Variants in CAST observed in about 807,000 individuals in gnomAD.
CAST encodes the protein MIR583 host.
A neutral mutation model predicts 119.6 loss-of-function variants in CAST; 76 were observed. The observed-to-expected ratio is 0.64, with a 90% CI of 0.53 to 0.77. The LOEUF is 0.77. CAST is among the 30% of genes least tolerant of loss of function. CAST has a pLI of 0.00. For missense variants in CAST, 953 were observed against 946.5 expected (o/e 1.01, Z -0.09); for synonymous variants, 319 against 331.6 (o/e 0.96, Z 0.41).
chr5:96,727,423 C>T, intron 5 of CAST, 66 bp from the exon 6 acceptor site: 2 of 835,698 alleles, frequency 2.4e-6, no homozygotes, highest in South Asian at 1.8e-5. Context: ...CTGTGATAGT[C>T]TTTGTAAACT....
chr5:96,141,548 A>G, the CAST span, among the ~76,000 whole-genome samples: 1 of 152,220 alleles, frequency 6.6e-6, no homozygotes, highest in Non-Finnish European at 1.5e-5. Flanking sequence ...TAACTGCTCT[A>G]CCTGAAGGAG....
chr5:96,163,069 C>T, the CAST span, among the ~76,000 whole-genome samples: 2 of 152,166 alleles, frequency 1.3e-5, no homozygotes, highest in South Asian at 4.2e-4. Context: ...AACATCTTTC[C>T]TTTTTATAGG....
chr5:96,013,341 C>A, the CAST span, among the ~76,000 whole-genome samples: 3 of 151,636 alleles, frequency 2.0e-5, no homozygotes, highest in South Asian at 4.2e-4. Context: ...TCCCACTCCA[C>A]CCATTTATAC....
the CAST span, among the ~76,000 whole-genome samples, chr5:96,144,014 A>T: frequency 6.6e-6 from 1 of 152,206 alleles, no homozygotes; most frequent in Non-Finnish European, 1.5e-5. Context: ...GGCCTCTGAG[A>T]ATTATAGCAA....
chr5:96,216,432 G>A, the CAST span, among the ~76,000 whole-genome samples: 3 of 152,040 alleles, frequency 2.0e-5, no homozygotes, highest in Admixed American at 1.3e-4. Context: ...GTTGAAAAGT[G>A]GTAGTGTCTT....
chr5:96,346,927 C>T, the CAST span, among the ~76,000 whole-genome samples: 1 of 152,118 alleles, frequency 6.6e-6, no homozygotes, highest in Admixed American at 6.5e-5. Context: ...AGAAAATATG[C>T]TATTCCTGGA....
chr5:96,136,665 G>A, the CAST span, among the ~76,000 whole-genome samples: 13 of 152,240 alleles, frequency 8.5e-5, no homozygotes, highest in African/African-American at 3.1e-4. Flanking sequence ...CTCAATATGA[G>A]TTTATACTAA....
chr5:96,525,892 G>A (rs1282056719), upstream of CAST, among the ~76,000 whole-genome samples: 1 of 152,230 alleles, frequency 6.6e-6, no homozygotes, highest in Non-Finnish European at 1.5e-5. Context: ...TTCGTCAGCT[G>A]CTGTTTTTAT....
At chr5:96,530,557 A>G (rs1415815996) in intron 1 of CAST, among the ~76,000 whole-genome samples, 1 of 152,184 alleles carries the variant, frequency 6.6e-6, no homozygotes, top group East Asian at 1.9e-4. Flanking sequence ...ACTTTAAAAC[A>G]ATGTAGTGAA....
At chr5:96,448,328 G>C in the CAST span, among the ~76,000 whole-genome samples, 1 of 152,204 alleles carries the variant, frequency 6.6e-6, no homozygotes, top group Non-Finnish European at 1.5e-5. Context: ...TAAAGGATAA[G>C]TGAAAGCAAG....
At chr5:96,032,896 G>A in the CAST span, among the ~76,000 whole-genome samples, 5 of 152,218 alleles carry the variant, frequency 3.3e-5, no homozygotes, top group South Asian at 1.0e-3. Context: ...GTTCCTGTCT[G>A]CAGATGCCAT....
the CAST span, among the ~76,000 whole-genome samples, chr5:96,388,647 G>T: frequency 1.2e-4 from 18 of 152,180 alleles, no homozygotes; most frequent in Non-Finnish European, 2.4e-4. Flanking sequence ...GAATGTTATA[G>T]CTTTGCAAAT....
chr5:96,328,372 CTTCTCTCTCCCTCTCTCTCT>C, the CAST span, among the ~76,000 whole-genome samples: 3 of 9,788 alleles, frequency 3.1e-4, no homozygotes, highest in Non-Finnish European at 5.9e-4. Flanking sequence ...TCTGTCTTTC[CTTCTCTCTCCCTCTCTCTCT>C]CTCTCTCTCT....
intron 1 of CAST, among the ~76,000 whole-genome samples, chr5:96,599,974 A>AAAAAAAAAAAAAAAAC (rs1460109288): frequency 3.2e-5 from 4 of 125,674 alleles, no homozygotes; most frequent in Non-Finnish European, 5.1e-5. Context: ...GGCAAAAAAA[A>AAAAAAAAAAAAAAAAC]AAAAAAAAAC....
the CAST span, among the ~76,000 whole-genome samples, chr5:96,149,046 A>G: frequency 6.6e-6 from 1 of 152,206 alleles, no homozygotes; most frequent in African/African-American, 2.4e-5. Flanking sequence ...CAAAATTTCT[A>G]TTCTCTTAAA....
the CAST span, among the ~76,000 whole-genome samples, chr5:96,382,308 T>G: frequency 6.6e-6 from 1 of 152,210 alleles, no homozygotes; most frequent in African/African-American, 2.4e-5. Flanking sequence ...TGAATTCTGC[T>G]GTTTGTGCTA....
At chr5:95,965,486 A>C in the CAST span, among the ~76,000 whole-genome samples, 1 of 152,242 alleles carries the variant, frequency 6.6e-6, no homozygotes, top group African/African-American at 2.4e-5. Flanking sequence ...CAAAAAGTTA[A>C]TTCTTATTAA....
intron 2 of CAST, among the ~76,000 whole-genome samples, chr5:96,695,059 T>C (rs1753119572): frequency 6.6e-6 from 1 of 152,214 alleles, no homozygotes; most frequent in South Asian, 2.1e-4. Context: ...TGGGATGCAG[T>C]ATAGGTAGGT....
chr5:96,035,759 TTGTG>T, the CAST span, among the ~76,000 whole-genome samples: 1 of 149,612 alleles, frequency 6.7e-6, no homozygotes. Context: ...GTCTGTGTGT[TTGTG>T]TGTGTGTGTG....
Sources: gnomAD v4.1 joint callset for allele counts (sites outside exome capture counted in the v4.1 genomes callset) on GRCh38, gnomAD v4.1.1 for gene constraint, MANE v1.5 for transcripts, NCBI Gene and HGNC (gene_info 2026-07-23, HGNC 2026-07-21) for gene names.